The following EYS variants were observed in gnomAD, a reference collection of about 807,000 sequenced individuals.
EYS encodes the protein protein eyes shut homolog.
A neutral mutation model predicts 282.1 loss-of-function variants in EYS; 250 were observed. The ratio of observed to expected loss-of-function variants is 0.89; its 90% CI spans 0.80 to 0.98. EYS has a LOEUF of 0.98. Among genes scored for constraint, EYS ranks in the 50% least tolerant of loss-of-function variants. The pLI, the probability that EYS is intolerant of heterozygous loss-of-function variation, is 0.00. For synonymous variants in EYS, 1,355 were observed against 1,282.9 expected, an observed-to-expected ratio of 1.06 and a Z score of -1.20; for missense variants, 4,016 against 3,709.0, an observed-to-expected ratio of 1.08 and a Z score of -2.15.
Position 65,684,845 on chromosome 6 carries a change from TTTCTC to T in EYS, c.-448+22285_-448+22289del, listed in dbSNP as rs1768955592. Among the ~76,000 whole-genome samples the T allele has an allele frequency of 1.3e-5, 2 of 151,982 alleles. 1 individual carries two copies. Among genetic ancestry groups the T allele is most frequent in the Non-Finnish European group, 2.9e-5 (2 of 67,964 alleles). ...ATAAGTAGTTTTTCGTTGTTGTTGTTTTCTCTTCTTTTGTTTTTCTTTTGTCTTCA... is the reference window on the plus strand; with the variant it reads ...ATAAGTAGTTTTTCGTTGTTGTTGTTTTCTTTTGTTTTTCTTTTGTCTTCA... On this transcript the variant is annotated intron_variant, in intron 1 of 42. Transcript: ENST00000503581.
chr6:64,077,433 G>T (rs1158752752), intron 32 of EYS, among the ~76,000 whole-genome samples: 2 of 151,954 alleles, frequency 1.3e-5, no homozygotes, highest in Admixed American at 1.3e-4. Flanking sequence ...TTCTCCAGGA[G>T]TATCAGAAAT....
chr6:64,604,638 A>T (rs1766866914), intron 24 of EYS, among the ~76,000 whole-genome samples: 1 of 151,988 alleles, frequency 6.6e-6, no homozygotes, highest in Non-Finnish European at 1.5e-5. Context: ...ACTTCAGGGG[A>T]TTTGCTTCAA....
intron 19 of EYS, among the ~76,000 whole-genome samples, chr6:64,864,385 C>CTTTTTTTTTTTTTTTTTTTTTTTT: frequency 0.013 from 725 of 57,170 alleles, 201 homozygotes; most frequent in Non-Finnish European, 0.018. Flanking sequence ...GCTATACCTT[C>CTTTTTTTTTTTTTTTTTTTTTTTT]TTTTTTTTTT....
At chr6:65,390,607 G>T (rs974656274) in intron 7 of EYS, among the ~76,000 whole-genome samples, 3 of 152,028 alleles carry the variant, frequency 2.0e-5, no homozygotes, top group African/African-American at 7.2e-5. Flanking sequence ...TTGTGGGCTG[G>T]GCATGGTGGC....
intron 14 of EYS, among the ~76,000 whole-genome samples, chr6:64,956,015 A>G (rs1025236956): frequency 1.4e-4 from 22 of 152,176 alleles, no homozygotes; most frequent in African/African-American, 4.8e-4. Flanking sequence ...CTGCAATACT[A>G]TGCAAAGCAG....
At chr6:64,579,594 A>G (rs577925440) in intron 26 of EYS, among the ~76,000 whole-genome samples, 1 of 152,120 alleles carries the variant, frequency 6.6e-6, no homozygotes, top group African/African-American at 2.4e-5. Flanking sequence ...TGGTCAAACC[A>G]TTTCCTCCTT....
chr6:65,055,482 A>T (rs535234465), intron 13 of EYS, among the ~76,000 whole-genome samples: 1 of 152,144 alleles, frequency 6.6e-6, no homozygotes, highest in African/African-American at 2.4e-5. Flanking sequence ...ACCAATATTG[A>T]TGTTATTAAC....
At chr6:64,972,368 G>A (rs752284440) in intron 14 of EYS, among the ~76,000 whole-genome samples, 10 of 152,056 alleles carry the variant, frequency 6.6e-5, no homozygotes, top group Non-Finnish European at 1.5e-4. Context: ...AAAGAAAACA[G>A]TTATGACAAA....
At chr6:64,338,223 C>T (rs144269454) in intron 29 of EYS, among the ~76,000 whole-genome samples, 4,719 of 151,740 alleles carry the variant, frequency 0.031, 229 homozygotes, top group African/African-American at 0.11. Context: ...TTGTTTACCT[C>T]GAAAACCCTA....
At chr6:65,174,137 C>T (rs1765173568) in intron 12 of EYS, among the ~76,000 whole-genome samples, 1 of 151,184 alleles carries the variant, frequency 6.6e-6, no homozygotes, top group African/African-American at 2.4e-5. Flanking sequence ...CACCCACAAA[C>T]CCAACAGATG....
intron 36 of EYS, among the ~76,000 whole-genome samples, chr6:63,850,642 A>G (rs1290618085): frequency 1.3e-5 from 2 of 152,234 alleles, no homozygotes; most frequent in Non-Finnish European, 2.9e-5. Context: ...TTTTGTGACC[A>G]CCAGGTCAGC....
At chr6:65,085,769 C>G (rs545875238) in intron 12 of EYS, among the ~76,000 whole-genome samples, 1 of 152,032 alleles carries the variant, frequency 6.6e-6, no homozygotes, top group African/African-American at 2.4e-5. Flanking sequence ...TCTCTATTCC[C>G]TTTACGTAGC....
chr6:64,187,968 T>C (rs576507189), intron 31 of EYS, among the ~76,000 whole-genome samples: 88 of 152,256 alleles, frequency 5.8e-4, no homozygotes, highest in African/African-American at 2.0e-3. Flanking sequence ...CAAGAAAATG[T>C]GATTACTGAA....
chr6:65,620,434 T>G (rs997071981), intron 2 of EYS, among the ~76,000 whole-genome samples: 2 of 152,134 alleles, frequency 1.3e-5, no homozygotes, highest in Middle Eastern at 3.4e-3. Flanking sequence ...GTCTATTTGA[T>G]TCTTCTCTTT....
At chr6:65,334,895 G>A (rs746542022) in intron 11 of EYS, 85 bp downstream of exon 11, 46 of 1,282,970 alleles carry the variant, frequency 3.6e-5, no homozygotes, top group Non-Finnish European at 4.7e-5. Flanking sequence ...CAAAAACATT[G>A]TTACCATGAA....
At chr6:65,056,361 A>T (rs1773413529) in intron 13 of EYS, among the ~76,000 whole-genome samples, 1 of 152,090 alleles carries the variant, frequency 6.6e-6, no homozygotes, top group Non-Finnish European at 1.5e-5. Context: ...AAATCTGGGC[A>T]GTAGAAAAAC....
At chr6:64,720,853 G>A (rs1209734011) in intron 22 of EYS, among the ~76,000 whole-genome samples, 1 of 151,954 alleles carries the variant, frequency 6.6e-6, no homozygotes, top group Admixed American at 6.6e-5. Context: ...ATGATTTATG[G>A]TGCCTCTTTT....
chr6:64,343,181 G>T (rs1406772180), intron 29 of EYS, among the ~76,000 whole-genome samples: 1 of 152,004 alleles, frequency 6.6e-6, no homozygotes, highest in Non-Finnish European at 1.5e-5. Flanking sequence ...CCCAGGAATT[G>T]AACTCAGCTC....
intron 12 of EYS, among the ~76,000 whole-genome samples, chr6:65,195,238 C>T (rs916601257): frequency 6.6e-6 from 1 of 151,980 alleles, no homozygotes; most frequent in Non-Finnish European, 1.5e-5. Flanking sequence ...GACCTATTGG[C>T]ATGATGTATT....
Sources: allele counts gnomAD v4.1 joint callset (sites outside exome capture counted in the v4.1 genomes callset), GRCh38; gene constraint gnomAD v4.1.1; transcripts MANE v1.5; gene names NCBI Gene and HGNC (gene_info 2026-07-23, HGNC 2026-07-21).